The following TBC1D1 variants were observed in gnomAD, a reference collection of about 807,000 sequenced individuals.
The protein encoded by TBC1D1 is TBC1 (tre-2/USP6, BUB2, cdc16) domain family, member 1.
TBC1D1 carries 89 observed loss-of-function variants against 125.6 expected under a neutral mutation model. The ratio of observed to expected loss-of-function variants is 0.71; its 90% CI spans 0.60 to 0.85. TBC1D1 has a LOEUF of 0.85. Ranked by LOEUF, TBC1D1 falls within the 40% of genes least tolerant of loss-of-function variation. The pLI is 0.00. For missense variants in TBC1D1, 1,377 were observed against 1,469.2 expected (o/e 0.94, Z 1.03); for synonymous variants, 565 against 564.1 (o/e 1.00, Z -0.02).
intron 19 of TBC1D1, among the ~76,000 whole-genome samples, chr4:38,134,918 C>T (rs1208678256): frequency 6.6e-6 from 1 of 152,216 alleles, no homozygotes; most frequent in African/African-American, 2.4e-5. Context: ...GCCAACCCAC[C>T]AGTAGTTCCT....
intron 2 of TBC1D1, among the ~76,000 whole-genome samples, chr4:37,968,554 G>T (rs936274160): frequency 6.6e-6 from 1 of 152,184 alleles, no homozygotes; most frequent in African/African-American, 2.4e-5. Context: ...TGTTCTTGAG[G>T]TACCCACCTG....
Position 38,014,794 on chromosome 4 carries a change from T to G in TBC1D1, c.703T>G (p.Ser235Ala), listed in dbSNP as rs1043369163. The change falls in exon 3 of 20, where the codon TCC becomes GCC. Residue 235 changes from serine to alanine, a missense_variant. Physicochemically the swap from Ser to Ala is moderately conservative, Grantham distance 99. Around this residue, in one of 3 missense-constraint regions of TBC1D1, gnomAD observed 822 missense variants for 824.6 expected, o/e 1.00. Transcript: ENST00000261439. The surrounding 1 kb of genome is among the most constrained non-coding windows in gnomAD (Gnocchi z 5.1). ...GCCTGTGCGCAGGCCCATGCGCAAG[T>G]CCTTCTCCCAGCCCGGCCTGCGCTC... The G allele has an allele frequency of 1.9e-6, 3 of 1,552,092 alleles. No homozygotes were observed. Among genetic ancestry groups the G allele is most frequent in the Non-Finnish European group, 2.6e-6 (3 of 1,142,090 alleles).
chr4:38,056,188 T>G (rs1751676527), intron 12 of TBC1D1, among the ~76,000 whole-genome samples: 1 of 152,196 alleles, frequency 6.6e-6, no homozygotes, highest in South Asian at 2.1e-4. Flanking sequence ...TGCATCTGTT[T>G]CCTGCCCTTC....
chr4:38,028,492 T>C (rs949213107), intron 7 of TBC1D1, among the ~76,000 whole-genome samples: 2 of 152,154 alleles, frequency 1.3e-5, no homozygotes, highest in African/African-American at 4.8e-5. Flanking sequence ...TAAGAAAGTT[T>C]ATGAATTTGT....
At chr4:38,101,642 G>A (rs1404912073) in intron 14 of TBC1D1, among the ~76,000 whole-genome samples, 1 of 152,136 alleles carries the variant, frequency 6.6e-6, no homozygotes, top group Non-Finnish European at 1.5e-5. Flanking sequence ...CCCAGCCTCT[G>A]GGCTCTTCTT....
rs554618586 is a variant in TBC1D1, at chr4:38,068,453, C to T, written c.2050+14115C>T. On this transcript the variant is annotated intron_variant, in intron 12 of 19. Coordinates refer to ENST00000261439, the MANE Select transcript of TBC1D1 (RefSeq NM_015173.4). The stretch of plus-strand genomic sequence containing the variant: ...GCATTAACAGCGACAGACTTCTCCT[C>T]ATCCTCTCAGGCCACTTGGATGTCA... Among the ~76,000 whole-genome samples, 150 of 152,274 alleles carry T rather than the reference C, an allele frequency of 9.9e-4. 1 individual carries two copies. Among genetic ancestry groups the T allele is most frequent in the African/African-American group, 3.4e-3 (142 of 41,556 alleles).
In TBC1D1 at chr4:38,061,454, C is replaced by T. The variant is rs143080636; in HGVS notation, c.2050+7116C>T. On this transcript the variant is annotated intron_variant, in intron 12 of 19. Coordinates refer to ENST00000261439, the MANE Select transcript of TBC1D1 (RefSeq NM_015173.4). ...AAACGGGGAAAAATCATTTTATTTACCTCTATGTGCTAGGGAACAATATTA... is the reference window on the plus strand; with the variant it reads ...AAACGGGGAAAAATCATTTTATTTATCTCTATGTGCTAGGGAACAATATTA... Among the ~76,000 whole-genome samples the T allele has an allele frequency of 6.4e-4, 97 of 152,268 alleles. 1 individual carries two copies. The East Asian group carries it at 0.014, about 23-fold the overall frequency.
intron 1 of TBC1D1, among the ~76,000 whole-genome samples, chr4:37,894,811 A>C (rs1482843147): frequency 2.0e-5 from 3 of 152,324 alleles, no homozygotes; most frequent in Non-Finnish European, 2.9e-5. Flanking sequence ...ATCCACTAGA[A>C]AGATATTTGA....
At chr4:38,120,698 C>T (rs1356737888) in intron 17 of TBC1D1, among the ~76,000 whole-genome samples, 2 of 152,214 alleles carry the variant, frequency 1.3e-5, no homozygotes, top group Non-Finnish European at 2.9e-5. Flanking sequence ...ATACTCACAC[C>T]TTGCTGAATG....
At chr4:38,017,095 T>C (rs955195051) in intron 3 of TBC1D1, among the ~76,000 whole-genome samples, 2 of 152,188 alleles carry the variant, frequency 1.3e-5, no homozygotes, top group African/African-American at 4.8e-5. Flanking sequence ...CCACCCAACT[T>C]TGGATTCTGA....
At chr4:38,130,316 A>T (rs1765379444) in intron 18 of TBC1D1, among the ~76,000 whole-genome samples, 1 of 152,260 alleles carries the variant, frequency 6.6e-6, no homozygotes, top group Non-Finnish European at 1.5e-5. Flanking sequence ...GCTAGATATA[A>T]AAGTTGTATT....
Position 38,049,686 on chromosome 4 carries a change from G to C in TBC1D1, c.1698G>C (p.Ser566=). 2 of 1,614,094 alleles carry C rather than the reference G, an allele frequency of 1.2e-6. No homozygotes were observed. Among genetic ancestry groups the C allele is most frequent in the South Asian group, 1.1e-5 (1 of 91,070 alleles). Residue 566 remains serine (S), a synonymous_variant, in exon 11 of 20, where the codon TCG becomes TCC. Transcript: ENST00000261439. ...GCTCCTTTAAGCTCCTCGGCTCCTC[G>C]GAGGACCTGTCCAGTGACTCGGAGA...
intron 16 of TBC1D1, among the ~76,000 whole-genome samples, chr4:38,116,864 A>C (rs1479959450): frequency 6.6e-6 from 1 of 152,236 alleles, no homozygotes; most frequent in African/African-American, 2.4e-5. Context: ...AATACATTAG[A>C]GCCAAGGACT....
intron 2 of TBC1D1, among the ~76,000 whole-genome samples, chr4:37,919,438 G>A (rs572578160): frequency 4.6e-5 from 7 of 151,454 alleles, no homozygotes; most frequent in Admixed American, 1.3e-4. Flanking sequence ...TGCCTGCCTG[G>A]GCCTCCCAAA....
At chr4:38,012,356 C>T (rs1255350887) in intron 2 of TBC1D1, among the ~76,000 whole-genome samples, 2 of 152,108 alleles carry the variant, frequency 1.3e-5, no homozygotes, top group Non-Finnish European at 2.9e-5. Flanking sequence ...TCTTGGCTTA[C>T]TGCAGCCTCC....
At chr4:38,081,241 G>A (rs1359664541) in intron 12 of TBC1D1, among the ~76,000 whole-genome samples, 1 of 152,112 alleles carries the variant, frequency 6.6e-6, no homozygotes, top group Non-Finnish European at 1.5e-5. Flanking sequence ...TGTGCTCAGG[G>A]CGCCATGGTG....
intron 2 of TBC1D1, among the ~76,000 whole-genome samples, chr4:37,932,339 A>C (rs140531575): frequency 2.0e-3 from 305 of 152,290 alleles, no homozygotes; most frequent in African/African-American, 7.0e-3. Flanking sequence ...AATTACCACT[A>C]ATGTTTTATA....
At chr4:37,972,291 G>C (rs1732190383) in intron 2 of TBC1D1, among the ~76,000 whole-genome samples, 1 of 151,084 alleles carries the variant, frequency 6.6e-6, no homozygotes, top group South Asian at 2.1e-4. Context: ...AGAGTAGCCT[G>C]ACCAACATGG....
intron 12 of TBC1D1, among the ~76,000 whole-genome samples, chr4:38,081,609 AGATT>A (rs952714489): frequency 6.6e-6 from 1 of 151,908 alleles, no homozygotes; most frequent in Non-Finnish European, 1.5e-5. Flanking sequence ...TTTGCCAAAT[AGATT>A]ATCTTTTTTA....
Sources: gnomAD v4.1 joint callset for allele counts (sites outside exome capture counted in the v4.1 genomes callset) on GRCh38, gnomAD v4.1.1 for gene constraint, gnomAD v4.1.1 regional missense constraint, Gnocchi (gnomAD v3.1) non-coding constraint, MANE v1.5 for transcripts, NCBI Gene and HGNC (gene_info 2026-07-23, HGNC 2026-07-21) for gene names.